NECAB2: variants seen among roughly 807,000 people sequenced by gnomAD.
The protein encoded by NECAB2 is N-terminal EF-hand calcium-binding protein 2.
NECAB2 carries 68 observed loss-of-function variants against 51.9 expected under a neutral mutation model. The ratio of observed to expected loss-of-function variants is 1.31; its 90% CI spans 1.08 to 1.60. The LOEUF (loss-of-function observed/expected upper bound fraction) is 1.60, where lower values mean the gene tolerates loss of function less well. Ranked by LOEUF, NECAB2 falls within the 40% of genes most tolerant of loss-of-function variation. NECAB2 has a pLI of 0.00. For missense variants in NECAB2, 854 were observed against 490.3 expected (o/e 1.74, Z -7.00); for synonymous variants, 329 against 203.5 (o/e 1.62, Z -5.25).
rs773165119 is a variant in NECAB2 at position 83,990,458 on chromosome 16, C to A, written c.460-36C>A. 15 of 1,610,150 alleles carry A rather than the reference C, an allele frequency of 9.3e-6. 1 individual carries two copies. The South Asian group carries it at 1.7e-4, about 18-fold the overall frequency. Reference sequence around the variant, plus strand: ...CCCCACCTCCAATTTCCCTCCCACCCCTTTCCCCTCAGTGCCTCTTCTCTT... The same window carrying A: ...CCCCACCTCCAATTTCCCTCCCACCACTTTCCCCTCAGTGCCTCTTCTCTT... On this transcript the variant is annotated intron_variant, in intron 5 of 12. Transcript: ENST00000305202.
chr16:83,999,255 T>G (rs956957959), intron 10 of NECAB2, among the ~76,000 whole-genome samples: 2 of 148,368 alleles, frequency 1.3e-5, no homozygotes, highest in African/African-American at 5.2e-5. Flanking sequence ...CATTCTTGAG[T>G]AAGTAGCCAG....
intron 5 of NECAB2, among the ~76,000 whole-genome samples, chr16:83,988,815 T>C (rs1442999834): frequency 7.0e-6 from 1 of 142,506 alleles, no homozygotes; most frequent in African/African-American, 3.1e-5. Flanking sequence ...TGGTCTCTTG[T>C]CTGAGGCAAG....
intron 9 of NECAB2, among the ~76,000 whole-genome samples, chr16:83,997,493 T>A (rs1206586600): frequency 7.2e-6 from 1 of 139,566 alleles, no homozygotes; most frequent in African/African-American, 2.7e-5. Context: ...TTTTTTTTTT[T>A]TTTTTTTTTT....
intron 3 of NECAB2, among the ~76,000 whole-genome samples, chr16:83,980,077 T>G (rs898156499): frequency 6.6e-6 from 1 of 152,224 alleles, no homozygotes; most frequent in African/African-American, 2.4e-5. Flanking sequence ...CCAGATGTGC[T>G]TTGCTGAGCC....
At chr16:83,976,681 C>T (rs1031611664) in intron 2 of NECAB2, among the ~76,000 whole-genome samples, 1 of 142,794 alleles carries the variant, frequency 7.0e-6, no homozygotes, top group Non-Finnish European at 1.5e-5. Context: ...CCCACTGTAA[C>T]CTTGAAATCT....
chr16:83,996,667 C>T (rs374850235), intron 8 of NECAB2, among the ~76,000 whole-genome samples: 4 of 152,132 alleles, frequency 2.6e-5, no homozygotes, highest in African/African-American at 7.2e-5. Context: ...AGCCGGGGTT[C>T]TCTGCCGTGA....
intron 8 of NECAB2, 105 bp from the exon 9 acceptor site, chr16:83,997,110 CG>C: frequency 7.5e-7 from 1 of 1,338,890 alleles, no homozygotes; most frequent in Non-Finnish European, 1.1e-6. Flanking sequence ...GCAACAGGGC[CG>C]GGTCCTTGGG....
At chr16:83,966,047 C>T, upstream of NECAB2, 1 of 1,408,272 alleles carries the variant, frequency 7.1e-7, no homozygotes. Flanking sequence ...CCTGAGAGGA[C>T]AGAGATGACC....
chr16:83,979,313 C>T (rs544474212), intron 3 of NECAB2, among the ~76,000 whole-genome samples: 60 of 152,294 alleles, frequency 3.9e-4, no homozygotes, highest in Middle Eastern at 3.4e-3. Context: ...CTGCTTAGGG[C>T]ACATTTGGTA....
intron 8 of NECAB2, among the ~76,000 whole-genome samples, chr16:83,995,081 G>A (rs1434239061): frequency 2.1e-4 from 32 of 152,206 alleles, no homozygotes. Context: ...GAGACGTGAT[G>A]ATTCGAGAGA....
chr16:83,985,617 G>C (rs532876609), intron 5 of NECAB2, among the ~76,000 whole-genome samples: 5 of 150,898 alleles, frequency 3.3e-5, no homozygotes, highest in African/African-American at 1.2e-4. Context: ...TGGGCAACAA[G>C]AGTGAGTCTC....
intron 5 of NECAB2, among the ~76,000 whole-genome samples, chr16:83,989,993 C>T (rs952376411): frequency 2.0e-5 from 3 of 152,070 alleles, no homozygotes; most frequent in African/African-American, 2.4e-5. Flanking sequence ...TCCAGGAGCC[C>T]TAGGAATCCT....
At chr16:83,976,873 G>T (rs2084417351) in intron 2 of NECAB2, among the ~76,000 whole-genome samples, 1 of 152,216 alleles carries the variant, frequency 6.6e-6, no homozygotes, top group Admixed American at 6.5e-5. Context: ...CCTGTGTTGA[G>T]CTCCAGCAGA....
chr16:83,983,057 C>A lies in NECAB2; in HGVS notation c.459+1930C>A, dbSNP rs563531910. On this transcript the variant is annotated intron_variant, in intron 5 of 12. Coordinates refer to ENST00000305202, the MANE Select transcript of NECAB2 (RefSeq NM_019065.3). ...GTAATTTTTGTAGTTTTAGTAGAGA[C>A]GGGGTTTCACCATGTTGGCCAGGCT... is the stretch of plus-strand genomic sequence containing the variant. Among the ~76,000 whole-genome samples, 85 of 151,756 alleles carry A rather than the reference C, an allele frequency of 5.6e-4. 1 individual carries two copies. Among genetic ancestry groups the A allele is most frequent in the African/African-American group, 2.0e-3 (83 of 41,442 alleles).
chr16:83,994,265 C>T (rs775105667), intron 6 of NECAB2, 37 bp from the exon 7 acceptor site: 1 of 1,601,604 alleles, frequency 6.2e-7, no homozygotes, highest in South Asian at 1.1e-5. Context: ...CCTGAAGCCA[C>T]CGCCATGGTC....
chr16:83,977,253 C>A (rs1034876140), intron 2 of NECAB2, among the ~76,000 whole-genome samples: 4 of 152,146 alleles, frequency 2.6e-5, no homozygotes, highest in African/African-American at 9.7e-5. Context: ...TGTCTCTGAC[C>A]TCCATGCCAC....
intron 5 of NECAB2, 119 bp from the exon 6 acceptor site, chr16:83,990,375 C>T: frequency 7.4e-7 from 1 of 1,353,188 alleles, no homozygotes; most frequent in African/African-American, 1.4e-5. Context: ...TGGGGTCCTC[C>T]CTTCCCTTTG....
chr16:83,993,071 A>T (rs2084646757), intron 6 of NECAB2, among the ~76,000 whole-genome samples: 2 of 152,090 alleles, frequency 1.3e-5, no homozygotes, highest in Non-Finnish European at 2.9e-5. Context: ...GCTTGTCGTG[A>T]TACCTCTGTT....
rs188123396 is a variant in NECAB2, at chr16:83,971,898, G to C, written c.202-253G>C. 3.7e-3 allele frequency: 2,181 copies of C among 595,118 alleles called. 6 individuals carry two copies. The highest frequency in any genetic ancestry group is 5.3e-3 in the Non-Finnish European group (1,770 of 334,720). 36.9% of individuals were successfully genotyped at this position (595,118 alleles called of 1,614,324 possible). A position where few individuals can be genotyped will look rare whatever the true frequency, so the allele number is the denominator to read the frequency against. ...GCCGTGGGCCTGCGTGTGTGTGTCA[G>C]CGTGGCTGGGAGCAGGCTGGTGGTA... On this transcript the variant is annotated intron_variant, in intron 1 of 12. Coordinates refer to ENST00000305202, the MANE Select transcript of NECAB2 (RefSeq NM_019065.3).
Sources: allele counts gnomAD v4.1 joint callset (sites outside exome capture counted in the v4.1 genomes callset), GRCh38; gene constraint gnomAD v4.1.1; transcripts MANE v1.5; gene names NCBI Gene and HGNC (gene_info 2026-07-23, HGNC 2026-07-21).